LBHD1: variants seen among roughly 807,000 people sequenced by gnomAD.
The protein encoded by LBHD1 is LBH domain-containing protein 1.
A neutral mutation model predicts 31.1 loss-of-function variants in LBHD1; 28 were observed. That is an observed-to-expected ratio of 0.90 (90% CI 0.67 to 1.24). The LOEUF is 1.24. Among genes scored for constraint, LBHD1 ranks in the 50% most tolerant of loss-of-function variants. The pLI, the probability that LBHD1 is intolerant of heterozygous loss-of-function variation, is 0.00. For synonymous variants in LBHD1, 105 were observed against 116.5 expected, an observed-to-expected ratio of 0.90 and a Z score of 0.63; for missense variants, 350 against 323.0, an observed-to-expected ratio of 1.08 and a Z score of -0.64.
intron 4 of LBHD1, chr11:62,665,289 A>T: frequency 1.4e-6 from 1 of 721,462 alleles, no homozygotes; most frequent in Non-Finnish European, 2.4e-6. Context: ...GGCTATATAA[A>T]GGAGCTCCGC....
In LBHD1 at chr11:62,666,459, G is replaced by A. The variant is rs774649747; in HGVS notation, c.538+1064C>T. On this transcript the variant is annotated intron_variant, in intron 4 of 6. Coordinates refer to ENST00000354588, the MANE Select transcript of LBHD1 (RefSeq NM_024099.5). ...TGGGATCGGCTGCATGCCCAGCCTCGTTTGGGCACTGTCCCCACCTTCGAC... is the reference window on the plus strand; with the variant it reads ...TGGGATCGGCTGCATGCCCAGCCTCATTTGGGCACTGTCCCCACCTTCGAC... 11 of 1,613,452 alleles carry A rather than the reference G, an allele frequency of 6.8e-6. No homozygotes were observed. The highest frequency in any genetic ancestry group is 5.3e-5 in the African/African-American group (4 of 74,932).
At chr11:62,665,196 T>G (rs948419490) in intron 4 of LBHD1, 3 of 803,414 alleles carry the variant, frequency 3.7e-6, no homozygotes, top group African/African-American at 3.4e-5. Flanking sequence ...CAGTTCACGG[T>G]CCGTACTTCC....
At position 62,671,674 on chromosome 11, in the gene LBHD1, G is replaced by A; in HGVS notation, c.-121C>T. The A allele has an allele frequency of 6.3e-7, 1 of 1,593,456 alleles. No homozygotes were observed. Among genetic ancestry groups the A allele is most frequent in the Non-Finnish European group, 8.5e-7 (1 of 1,171,052 alleles). On this transcript the variant is annotated 5_prime_UTR_variant, in exon 1 of 7. Coordinates refer to ENST00000354588, the MANE Select transcript of LBHD1 (RefSeq NM_024099.5). ...GCGCTCTAGCCTGCGCCAAGGGGTA[G>A]TGAGACCGCGCGGCAACAGCTTGCG...
chr11:62,671,681 C>A lies in LBHD1; in HGVS notation c.-128G>T. ...AGCCTGCGCCAAGGGGTAGTGAGAC[C>A]GCGCGGCAACAGCTTGCGGCTGCGG... On this transcript the variant is annotated 5_prime_UTR_variant, in exon 1 of 7. Coordinates refer to ENST00000354588, the MANE Select transcript of LBHD1 (RefSeq NM_024099.5). 6.3e-7 allele frequency: 1 copy of A among 1,596,304 alleles called. No homozygotes were observed. The highest frequency in any genetic ancestry group is 1.1e-5 in the South Asian group (1 of 89,736).
At chr11:62,671,061 T>G (rs1006418495) in intron 1 of LBHD1, 8 of 311,826 alleles carry the variant, frequency 2.6e-5, no homozygotes, top group Non-Finnish European at 5.1e-5. Context: ...ATCGCGCCAC[T>G]GCACTCCAGC....
rs1223646012 is a variant in LBHD1, at chr11:62,669,638, C to T, written c.313+3G>A. The T allele has an allele frequency of 6.2e-7, 1 of 1,611,114 alleles. No homozygotes were observed. Among genetic ancestry groups the T allele is most frequent in the Admixed American group, 1.7e-5 (1 of 59,868 alleles). On this transcript the variant is annotated splice_donor_region_variant and intron_variant, in intron 3 of 6. Coordinates refer to ENST00000354588, the MANE Select transcript of LBHD1 (RefSeq NM_024099.5). ...GGCCCCCTGAATGAGCCACCTCCCT[C>T]ACCTGGCTCTTCACTTTGGTCTTGG... is the stretch of plus-strand genomic sequence containing the variant.
At chr11:62,664,768 A>G in intron 5 of LBHD1, 81 bp downstream of exon 5, 1 of 1,507,754 alleles carries the variant, frequency 6.6e-7, no homozygotes, top group East Asian at 2.5e-5. Context: ...GTGAGCTGAG[A>G]GGTGAAGCTG....
chr11:62,672,118 C>T lies in LBHD1; in HGVS notation c.-565G>A, dbSNP rs1442927825. 3.8e-6 allele frequency: 6 copies of T among 1,568,748 alleles called. No homozygotes were observed. The highest frequency in any genetic ancestry group is 5.2e-6 in the Non-Finnish European group (6 of 1,158,280). On this transcript the variant is annotated 5_prime_UTR_variant, in exon 1 of 7. Transcript: ENST00000354588. ...CGCCGGCGGGAGGTCACCGTGAGAC[C>T]GGACTTGCCTCCGTGGGCGCCGGAC...
chr11:62,667,397 T>C (rs1367777460), intron 4 of LBHD1, 126 bp downstream of exon 4: 1 of 951,986 alleles, frequency 1.1e-6, no homozygotes, highest in South Asian at 1.4e-5. Flanking sequence ...GACTGACTTG[T>C]ATAATCTAGT....
chr11:62,667,437 C>A (rs763430769), intron 4 of LBHD1, 86 bp downstream of exon 4: 3 of 1,401,646 alleles, frequency 2.1e-6, no homozygotes, highest in African/African-American at 2.8e-5. Context: ...ATTTTTGTCA[C>A]CTGTAAAAGG....
intron 4 of LBHD1, chr11:62,665,406 G>T: frequency 7.2e-7 from 1 of 1,388,184 alleles, no homozygotes. Context: ...GAAGGCTCTG[G>T]GCGGGGTCTC....
At position 62,670,045 on chromosome 11, in the gene LBHD1, A is replaced by G; in HGVS notation, c.-10-4T>C. ...CACAAGGGCCATGGTGGTGATTCTT[A>G]GAGTGCAAGATGATTGAACTCAGAG... On this transcript the variant is annotated splice_polypyrimidine_tract_variant and splice_region_variant and intron_variant, in intron 1 of 6. Coordinates refer to ENST00000354588, the MANE Select transcript of LBHD1 (RefSeq NM_024099.5). 6.2e-7 allele frequency: 1 copy of G among 1,601,250 alleles called. No individual in the cohort carries two copies. The highest frequency in any genetic ancestry group is 8.5e-7 in the Non-Finnish European group (1 of 1,173,442).
intron 5 of LBHD1, 64 bp downstream of exon 5, chr11:62,664,785 A>G: frequency 2.0e-6 from 3 of 1,535,146 alleles, no homozygotes; most frequent in Non-Finnish European, 2.6e-6. Flanking sequence ...GCTGCTCCGG[A>G]GCTCTGCAGG....
At chr11:62,668,966 GCC>G (rs1944889992) in intron 3 of LBHD1, among the ~76,000 whole-genome samples, 1 of 151,616 alleles carries the variant, frequency 6.6e-6, no homozygotes, top group South Asian at 2.1e-4. Context: ...TCTGGCTCTT[GCC>G]CAGGCTGGAG....
In LBHD1 at chr11:62,670,075, G is replaced by A. The variant is rs376343612; in HGVS notation, c.-10-34C>T. ...GCAAGATGATTGAACTCAGAGGAGA[G>A]TACTGCTGCCCAGTGCACCCCACAA... is the stretch of plus-strand genomic sequence containing the variant. On this transcript the variant is annotated intron_variant, in intron 1 of 6. Coordinates refer to ENST00000354588, the MANE Select transcript of LBHD1 (RefSeq NM_024099.5). The A allele has an allele frequency of 1.6e-5, 25 of 1,567,022 alleles. No homozygotes were observed. In the African/African-American group the frequency reaches 2.6e-4, roughly 16 times the overall value.
chr11:62,666,133 G>C, intron 4 of LBHD1: 1 of 791,912 alleles, frequency 1.3e-6, no homozygotes, highest in Middle Eastern at 3.7e-4. Context: ...AGATCGCTTG[G>C]CCCAGGAGTT....
Position 62,672,120 on chromosome 11 carries a change from G to C in LBHD1, c.-567C>G, listed in dbSNP as rs773098241. The C allele has an allele frequency of 4.5e-6, 7 of 1,567,068 alleles. No individual in the cohort carries two copies. The highest frequency in any genetic ancestry group is 2.3e-5 in the East Asian group (1 of 42,776). On this transcript the variant is annotated 5_prime_UTR_variant, in exon 1 of 7. Transcript: ENST00000354588. ...CCGGCGGGAGGTCACCGTGAGACCG[G>C]ACTTGCCTCCGTGGGCGCCGGACCT...
Position 62,663,178 on chromosome 11 carries a change from G to C in LBHD1, c.762-19C>G, listed in dbSNP as rs772396802. The C allele has an allele frequency of 6.2e-7, 1 of 1,613,848 alleles. No individual in the cohort carries two copies. The highest frequency in any genetic ancestry group is 1.3e-5 in the African/African-American group (1 of 75,036). On this transcript the variant is annotated intron_variant, in intron 6 of 6. Coordinates refer to ENST00000354588, the MANE Select transcript of LBHD1 (RefSeq NM_024099.5). Reference sequence around the variant, plus strand: ...GCTTCCACTGAGTAAAGGGAAGAAGGAAGTATTATCCCAAATAAATCCAGG... The same window carrying C: ...GCTTCCACTGAGTAAAGGGAAGAAGCAAGTATTATCCCAAATAAATCCAGG...
chr11:62,666,498 A>G, intron 4 of LBHD1: 4 of 1,614,076 alleles, frequency 2.5e-6, no homozygotes, highest in South Asian at 1.1e-5. Context: ...TTCTTTGGAT[A>G]CGACGAAGTC....
Sources: gnomAD v4.1 joint callset for allele counts (sites outside exome capture counted in the v4.1 genomes callset) on GRCh38, gnomAD v4.1.1 for gene constraint, MANE v1.5 for transcripts, NCBI Gene and HGNC (gene_info 2026-07-23, HGNC 2026-07-21) for gene names.